Variants in CNTN1 observed in about 807,000 individuals in gnomAD.
The protein encoded by CNTN1 is contactin-1.
CNTN1 carries 38 observed loss-of-function variants against 126.4 expected under a neutral mutation model. The observed-to-expected ratio is 0.30, with a 90% CI of 0.23 to 0.39. The LOEUF is 0.39. Among genes scored for constraint, CNTN1 ranks in the 10% least tolerant of loss-of-function variants. The pLI is 1.00. For synonymous variants in CNTN1, 413 were observed against 422.6 expected, an observed-to-expected ratio of 0.98 and a Z score of 0.28; for missense variants, 1,009 against 1,248.4, an observed-to-expected ratio of 0.81 and a Z score of 2.89.
chr12:40,850,376 T>C (rs1217343674), intron 1 of CNTN1, among the ~76,000 whole-genome samples: 3 of 152,192 alleles, frequency 2.0e-5, no homozygotes, highest in African/African-American at 7.2e-5. Context: ...GATTCATTAC[T>C]TTTCAGCCAT....
At chr12:40,767,728 G>T (rs1939174589) in intron 1 of CNTN1, among the ~76,000 whole-genome samples, 1 of 151,954 alleles carries the variant, frequency 6.6e-6, no homozygotes, top group African/African-American at 2.4e-5. Flanking sequence ...CCACCTCCCG[G>T]GTCTACTGAC....
intron 5 of CNTN1, among the ~76,000 whole-genome samples, 163 bp downstream of exon 5, chr12:40,922,591 G>T (rs1436847254): frequency 6.6e-6 from 1 of 152,098 alleles, no homozygotes; most frequent in Non-Finnish European, 1.5e-5. Context: ...GCACCACAAG[G>T]CATACTATGA....
chr12:40,787,316 G>T (rs995750161), intron 1 of CNTN1, among the ~76,000 whole-genome samples: 1 of 152,090 alleles, frequency 6.6e-6, no homozygotes, highest in Non-Finnish European at 1.5e-5. Context: ...AATTTGTTTA[G>T]CACCAAATAT....
chr12:40,964,456 T>G (rs1947222832), intron 15 of CNTN1, among the ~76,000 whole-genome samples: 1 of 152,000 alleles, frequency 6.6e-6, no homozygotes, highest in Non-Finnish European at 1.5e-5. Flanking sequence ...TTGTTTACAT[T>G]ATTACATTAG....
intron 17 of CNTN1, among the ~76,000 whole-genome samples, chr12:41,008,935 A>C (rs1948576364): frequency 6.6e-6 from 1 of 152,204 alleles, no homozygotes; most frequent in Non-Finnish European, 1.5e-5. Flanking sequence ...TACCTTGCTT[A>C]ACTCAAGTGC....
intron 1 of CNTN1, among the ~76,000 whole-genome samples, chr12:40,730,318 T>G (rs1205416698): frequency 6.6e-6 from 1 of 152,222 alleles, no homozygotes. Flanking sequence ...CTTCTTTATT[T>G]TATTTCAAGG....
intron 1 of CNTN1, among the ~76,000 whole-genome samples, chr12:40,758,286 A>G (rs1278391238): frequency 6.6e-6 from 1 of 151,712 alleles, no homozygotes; most frequent in African/African-American, 2.4e-5. Context: ...GAATATTTGA[A>G]GTTCAAAACA....
chr12:40,743,042 T>A (rs1488816408), intron 1 of CNTN1, among the ~76,000 whole-genome samples: 2 of 152,094 alleles, frequency 1.3e-5, no homozygotes, highest in African/African-American at 4.8e-5. Flanking sequence ...GGACAAATTA[T>A]TCTGCAGGTT....
At chr12:40,883,576 A>C (rs1422509753) in intron 1 of CNTN1, among the ~76,000 whole-genome samples, 1 of 151,592 alleles carries the variant, frequency 6.6e-6, no homozygotes, top group Non-Finnish European at 1.5e-5. Flanking sequence ...GATATAAAAA[A>C]AAGACACTCT....
intron 1 of CNTN1, among the ~76,000 whole-genome samples, chr12:40,730,919 A>C (rs1942484640): frequency 6.6e-6 from 1 of 152,126 alleles, no homozygotes; most frequent in Admixed American, 6.6e-5. Flanking sequence ...CGTTAATATA[A>C]TGTGTAGAAT....
rs190553131 is a variant in CNTN1 at position 40,960,537 on chromosome 12, T to C, written c.1804+1303T>C. Among the ~76,000 whole-genome samples the C allele has an allele frequency of 1.8e-4, 28 of 152,204 alleles. 1 individual carries two copies. The East Asian group carries it at 5.4e-3, about 29-fold the overall frequency. ...TCCCTAAGCAACACTGGGCAAATGC[T>C]GAAAACTCTTCTACTCCATTTGAAT... On this transcript the variant is annotated intron_variant, in intron 15 of 23. Transcript: ENST00000551295.
At chr12:40,871,036 A>G (rs948192717) in intron 1 of CNTN1, among the ~76,000 whole-genome samples, 12 of 121,566 alleles carry the variant, frequency 9.9e-5, no homozygotes, top group Non-Finnish European at 7.0e-5. Flanking sequence ...GCCAGGACAG[A>G]TAAACATAAA....
At chr12:40,936,948 A>G (rs968315138) in intron 10 of CNTN1, 43 bp downstream of exon 10, 1 of 1,610,028 alleles carries the variant, frequency 6.2e-7, no homozygotes, top group African/African-American at 1.3e-5. Context: ...GTCCCTGTTC[A>G]AGCAGTGTTT....
chr12:40,870,963 C>T (rs1943467417), intron 1 of CNTN1, among the ~76,000 whole-genome samples: 1 of 152,034 alleles, frequency 6.6e-6, no homozygotes, highest in Non-Finnish European at 1.5e-5. Flanking sequence ...TGCAGTTCCT[C>T]CTTGAAGCAT....
chr12:40,803,605 A>G (rs946266404), intron 1 of CNTN1, among the ~76,000 whole-genome samples: 6 of 151,958 alleles, frequency 3.9e-5, no homozygotes, highest in Admixed American at 6.6e-5. Flanking sequence ...CACAATATGC[A>G]TTTTTGAAGA....
intron 15 of CNTN1, among the ~76,000 whole-genome samples, chr12:40,964,579 A>G (rs1947236628): frequency 6.7e-6 from 1 of 149,314 alleles, no homozygotes; most frequent in Non-Finnish European, 1.5e-5. Flanking sequence ...TTTCCACTTT[A>G]TTTCTAAGGA....
intron 1 of CNTN1, among the ~76,000 whole-genome samples, chr12:40,717,814 A>G (rs17128669): frequency 0.043 from 6,591 of 152,284 alleles, 290 homozygotes; most frequent in African/African-American, 0.12. Flanking sequence ...GGCCTTGTTG[A>G]AAAGTAATTG....
At chr12:40,901,012 A>G (rs1944582352) in intron 1 of CNTN1, among the ~76,000 whole-genome samples, 1 of 152,236 alleles carries the variant, frequency 6.6e-6, no homozygotes, top group African/African-American at 2.4e-5. Context: ...GTGACACAGT[A>G]ACCTCAGATA....
At position 40,727,402 on chromosome 12, in the gene CNTN1, G is replaced by A. The variant is rs141813987; in HGVS notation, c.-77+34810G>A. On this transcript the variant is annotated intron_variant, in intron 1 of 23. Transcript: ENST00000551295. Reference sequence around the variant, plus strand: ...GCAAAGAGGATACATGGAATGTAGAGGATTCGTTTTATAAATGGTAAGAAA... The same window carrying A: ...GCAAAGAGGATACATGGAATGTAGAAGATTCGTTTTATAAATGGTAAGAAA... Among the ~76,000 whole-genome samples, 756 of 151,408 alleles carry A rather than the reference G, an allele frequency of 5.0e-3. 5 individuals are homozygous for A. The highest frequency in any genetic ancestry group is 0.017 in the African/African-American group (684 of 41,324).
Sources: gnomAD v4.1 joint callset for allele counts (sites outside exome capture counted in the v4.1 genomes callset) on GRCh38, gnomAD v4.1.1 for gene constraint, MANE v1.5 for transcripts, NCBI Gene and HGNC (gene_info 2026-07-23, HGNC 2026-07-21) for gene names.